PTK2B: variants seen among roughly 807,000 people sequenced by gnomAD.
PTK2B encodes the protein protein-tyrosine kinase 2-beta.
In PTK2B, 71 loss-of-function variants were observed where a neutral mutation model predicts 142.9. That is an observed-to-expected ratio of 0.50 (90% CI 0.41 to 0.61). PTK2B has a LOEUF of 0.61. Ranked by LOEUF, PTK2B falls within the 20% of genes least tolerant of loss-of-function variation. The probability of loss-of-function intolerance (pLI) is 0.00; values close to 1 mark genes in which losing one functional copy is unlikely to be tolerated. For synonymous variants in PTK2B, 519 were observed against 503.4 expected, an observed-to-expected ratio of 1.03 and a Z score of -0.42; for missense variants, 1,105 against 1,320.4, an observed-to-expected ratio of 0.84 and a Z score of 2.53.
intron 1 of PTK2B, among the ~76,000 whole-genome samples, chr8:27,383,874 G>GTTTTTTTTTTTTTTT (rs1807183945): frequency 1.5e-5 from 1 of 64,972 alleles, no homozygotes; most frequent in African/African-American, 4.4e-5. Flanking sequence ...TTGAGACAGA[G>GTTTTTTTTTTTTTTT]TTTCACTCCT....
intron 1 of PTK2B, among the ~76,000 whole-genome samples, chr8:27,352,538 A>G (rs1805159558): frequency 6.6e-6 from 1 of 152,208 alleles, no homozygotes; most frequent in Non-Finnish European, 1.5e-5. Flanking sequence ...TCAGCTATGA[A>G]AGGAGCTTTC....
chr8:27,438,889 A>C, intron 18 of PTK2B, 142 bp from the exon 19 acceptor site: 2 of 752,012 alleles, frequency 2.7e-6, no homozygotes, highest in South Asian at 3.4e-5. Context: ...AGTGACCCAC[A>C]GAAGCTGCCC....
intron 2 of PTK2B, among the ~76,000 whole-genome samples, chr8:27,398,798 G>A (rs1409737290): frequency 6.6e-6 from 1 of 152,188 alleles, no homozygotes; most frequent in Non-Finnish European, 1.5e-5. Flanking sequence ...GTTTCCTTTC[G>A]TTAGTACTGC....
At chr8:27,368,285 AG>A (rs1315664488) in intron 1 of PTK2B, among the ~76,000 whole-genome samples, 2 of 152,116 alleles carry the variant, frequency 1.3e-5, no homozygotes, top group African/African-American at 2.4e-5. Context: ...ACCGAACCTT[AG>A]GCAGGCTCCT....
intron 1 of PTK2B, among the ~76,000 whole-genome samples, chr8:27,376,507 C>G (rs115486851): frequency 0.02 from 3,004 of 152,284 alleles, 102 homozygotes; most frequent in African/African-American, 0.068. Flanking sequence ...TAAAATGAGG[C>G]TGAGACCTAT....
At chr8:27,379,243 T>C (rs1032442159) in intron 1 of PTK2B, among the ~76,000 whole-genome samples, 3 of 152,202 alleles carry the variant, frequency 2.0e-5, no homozygotes, top group African/African-American at 7.2e-5. Flanking sequence ...GCAACCACTG[T>C]TTTTTGTTTG....
At chr8:27,438,952 A>G (rs1810974238) in intron 18 of PTK2B, 79 bp from the exon 19 acceptor site, 2 of 1,320,970 alleles carry the variant, frequency 1.5e-6, no homozygotes, top group Non-Finnish European at 2.2e-6. Context: ...CTCTTTTTCC[A>G]TCTGTCTGTC....
intron 1 of PTK2B, among the ~76,000 whole-genome samples, chr8:27,378,342 A>G (rs943573198): frequency 6.6e-6 from 1 of 152,226 alleles, no homozygotes; most frequent in Admixed American, 6.5e-5. Context: ...GGTTCTGCAA[A>G]TATGGAAGTA....
In PTK2B at chr8:27,450,804, C is replaced by T. The variant is rs868451087; in HGVS notation, c.2396C>T (p.Ala799Val). ...SREEAQQLWE[A>V]EKVKMRQILD... ...GAAGAGGCCCAGCAGCTGTGGGAGG[C>T]TGAAAAGGTCAAAATGCGGCAAATC... The change falls in exon 25 of 31, where the codon GCT becomes GTT. Residue 799 changes from alanine (A) to valine (V), a missense_variant. Transcript: ENST00000346049. 1.1e-5 allele frequency: 17 copies of T among 1,614,010 alleles called. No homozygotes were observed. Among genetic ancestry groups the T allele is most frequent in the Non-Finnish European group, 1.4e-5 (17 of 1,180,028 alleles).
intron 3 of PTK2B, among the ~76,000 whole-genome samples, chr8:27,315,926 TC>T (rs796896284): frequency 3.7e-4 from 57 of 152,222 alleles, no homozygotes; most frequent in African/African-American, 1.4e-3. Flanking sequence ...ATTGTTTTAT[TC>T]TTTGCATATG....
chr8:27,383,058 CT>C (rs1183491802), intron 1 of PTK2B, among the ~76,000 whole-genome samples: 1 of 152,130 alleles, frequency 6.6e-6, no homozygotes. Flanking sequence ...TCTACATGAA[CT>C]TTAAGATTGT....
chr8:27,446,593 C>T (rs1035784875), intron 24 of PTK2B, among the ~76,000 whole-genome samples: 2 of 152,160 alleles, frequency 1.3e-5, no homozygotes, highest in African/African-American at 2.4e-5. Flanking sequence ...GGTCACCAAC[C>T]ACCTTCTTCC....
chr8:27,350,112 C>G (rs946746014), intron 1 of PTK2B, among the ~76,000 whole-genome samples: 1 of 152,128 alleles, frequency 6.6e-6, no homozygotes, highest in Admixed American at 6.5e-5. Context: ...GATAAAGGTA[C>G]GGGGAAGCAA....
At chr8:27,355,801 A>T (rs1201043739) in intron 1 of PTK2B, among the ~76,000 whole-genome samples, 1 of 152,158 alleles carries the variant, frequency 6.6e-6, no homozygotes, top group Admixed American at 6.5e-5. Flanking sequence ...AGGCCAGTGA[A>T]TCACAAGGTC....
chr8:27,434,012 T>G, intron 11 of PTK2B, 81 bp from the exon 12 acceptor site: 1 of 1,503,430 alleles, frequency 6.7e-7, no homozygotes, highest in Non-Finnish European at 9.3e-7. Flanking sequence ...GAGTCCCTTG[T>G]AGGAATAGTG....
chr8:27,391,096 T>A (rs1807694846), intron 1 of PTK2B, among the ~76,000 whole-genome samples: 1 of 142,160 alleles, frequency 7.0e-6, no homozygotes, highest in Non-Finnish European at 1.5e-5. Flanking sequence ...TTTTTTTTTC[T>A]TGAGGTGAAG....
rs117444366 is a variant in PTK2B at position 27,422,923 on chromosome 8, G to A, written c.551+540G>A. Reference sequence around the variant, plus strand: ...GGATGGCACCAACTTCCATGTAGGAGCCATTCATCCTGCCTGAGAGCATCA... The same window carrying A: ...GGATGGCACCAACTTCCATGTAGGAACCATTCATCCTGCCTGAGAGCATCA... On this transcript the variant is annotated intron_variant, in intron 5 of 30. Coordinates refer to ENST00000346049, the MANE Select transcript of PTK2B (RefSeq NM_173176.3). 3.6e-4 allele frequency among the ~76,000 whole-genome samples: 55 copies of A among 152,290 alleles called. No homozygotes were observed. In the East Asian group the frequency reaches 9.9e-3, roughly 27 times the overall value.
intron 1 of PTK2B, among the ~76,000 whole-genome samples, chr8:27,381,915 C>T (rs573022197): frequency 5.1e-4 from 77 of 152,262 alleles, no homozygotes; most frequent in Non-Finnish European, 4.9e-4. Flanking sequence ...TTAGTGATAT[C>T]GAGCATATTT....
chr8:27,326,085 C>T lies in PTK2B; in HGVS notation c.-38+404C>T, dbSNP rs79590869. ...CCCCGCTCCCTCCCGGGCCCTTCCG[C>T]AGCCCCAGGGGTTATAGTCTCACCC... is the stretch of plus-strand genomic sequence containing the variant. On this transcript the variant is annotated intron_variant, in intron 1 of 30. Coordinates refer to ENST00000346049, the MANE Select transcript of PTK2B (RefSeq NM_173176.3). 1.6e-3 allele frequency among the ~76,000 whole-genome samples: 244 copies of T among 152,274 alleles called. 2 individuals carry two copies. In the East Asian group the frequency reaches 0.021, roughly 13 times the overall value.
Sources: allele counts gnomAD v4.1 joint callset (sites outside exome capture counted in the v4.1 genomes callset), GRCh38; gene constraint gnomAD v4.1.1; transcripts MANE v1.5; gene names NCBI Gene and HGNC (gene_info 2026-07-23, HGNC 2026-07-21).